The following SORCS2 variants were observed in gnomAD, a reference collection of about 807,000 sequenced individuals.
The protein encoded by SORCS2 is sortilin related VPS10 domain containing receptor 2, also known as VPS10 domain-containing receptor SorCS2.
In SORCS2, 100 loss-of-function variants were observed where a neutral mutation model predicts 141.6. That is an observed-to-expected ratio of 0.71 (90% confidence interval 0.60 to 0.83). The LOEUF (loss-of-function observed/expected upper bound fraction) is 0.83. Among genes scored for constraint, SORCS2 ranks in the 40% least tolerant of loss-of-function variants. The pLI is 0.00. For missense variants in SORCS2, 1,646 were observed against 1,560.2 expected (o/e 1.05, Z -0.93); for synonymous variants, 789 against 676.9 (o/e 1.17, Z -2.57).
At chr4:7,555,414 A>G (rs539528769) in intron 3 of SORCS2, among the ~76,000 whole-genome samples, 26 of 152,342 alleles carry the variant, frequency 1.7e-4, no homozygotes, top group African/African-American at 6.0e-4. Flanking sequence ...CCTGTGCAGG[A>G]GCACAAATGC....
intron 6 of SORCS2, among the ~76,000 whole-genome samples, chr4:7,662,005 T>A (rs956708259): frequency 6.6e-6 from 1 of 151,992 alleles, no homozygotes; most frequent in Non-Finnish European, 1.5e-5. Context: ...CTGTGCAGGA[T>A]CACCTGAGCC....
At chr4:7,359,603 G>A (rs1002695950) in intron 1 of SORCS2, among the ~76,000 whole-genome samples, 2 of 152,164 alleles carry the variant, frequency 1.3e-5, no homozygotes, top group South Asian at 2.1e-4. Flanking sequence ...CCAACGATTC[G>A]CTCCCAAGAT....
At chr4:7,321,095 C>A (rs1159459169) in intron 1 of SORCS2, among the ~76,000 whole-genome samples, 1 of 152,118 alleles carries the variant, frequency 6.6e-6, no homozygotes, top group Non-Finnish European at 1.5e-5. Context: ...AAGCCCGTCA[C>A]TCCTGTCTCC....
At chr4:7,347,703 A>G (rs1057325662) in intron 1 of SORCS2, among the ~76,000 whole-genome samples, 2 of 152,222 alleles carry the variant, frequency 1.3e-5, no homozygotes, top group African/African-American at 4.8e-5. Flanking sequence ...TTCCTCTGAT[A>G]TTAAACCACC....
intron 25 of SORCS2, among the ~76,000 whole-genome samples, chr4:7,734,626 G>A (rs1156662078): frequency 6.6e-6 from 1 of 152,172 alleles, no homozygotes; most frequent in Non-Finnish European, 1.5e-5. Flanking sequence ...ACTCTCCCCA[G>A]GACATCCCAG....
chr4:7,674,118 C>T (rs1258281671), intron 8 of SORCS2, among the ~76,000 whole-genome samples: 1 of 152,054 alleles, frequency 6.6e-6, no homozygotes, highest in Non-Finnish European at 1.5e-5. Context: ...TCCCACTTCA[C>T]ACATGGGGAC....
chr4:7,673,973 G>T (rs1328884909), intron 8 of SORCS2, among the ~76,000 whole-genome samples: 1 of 152,184 alleles, frequency 6.6e-6, no homozygotes. Context: ...ACCAACGCCC[G>T]GATGACAGAG....
intron 1 of SORCS2, among the ~76,000 whole-genome samples, chr4:7,262,394 C>G (rs559937839): frequency 1.5e-5 from 2 of 133,632 alleles, no homozygotes; most frequent in Admixed American, 6.9e-5. Flanking sequence ...ATCCATCCAT[C>G]CATCCATCCA....
chr4:7,364,121 C>A (rs962782952), intron 1 of SORCS2, among the ~76,000 whole-genome samples: 1 of 140,808 alleles, frequency 7.1e-6, no homozygotes, highest in South Asian at 2.4e-4. Context: ...ACCATCACCA[C>A]CACCACCACC....
At position 7,218,950 on chromosome 4, in the gene SORCS2, C is replaced by T. The variant is rs932142316; in HGVS notation, c.480+25824C>T. On this transcript the variant is annotated intron_variant, in intron 1 of 26. Transcript: ENST00000507866. ...ACTCTGCCCTGAAACACAGTGCTCC[C>T]GTGCACTCGGCCATGCTGTGTTCTT... 4.6e-5 allele frequency among the ~76,000 whole-genome samples: 7 copies of T among 152,308 alleles called. No homozygotes were observed. In the East Asian group the frequency reaches 5.8e-4, roughly 13 times the overall value.
intron 1 of SORCS2, among the ~76,000 whole-genome samples, chr4:7,301,521 C>G (rs535893454): frequency 1.4e-4 from 21 of 152,314 alleles, no homozygotes; most frequent in Admixed American, 4.6e-4. Flanking sequence ...CTGGGCTGAC[C>G]CCTGAGTATG....
At chr4:7,314,632 C>G (rs1157034005) in intron 1 of SORCS2, among the ~76,000 whole-genome samples, 1 of 152,108 alleles carries the variant, frequency 6.6e-6, no homozygotes, top group Non-Finnish European at 1.5e-5. Context: ...AGCCACCGCA[C>G]CCGGCCAATC....
intron 1 of SORCS2, among the ~76,000 whole-genome samples, chr4:7,295,646 C>G (rs781113754): frequency 6.6e-6 from 1 of 152,240 alleles, no homozygotes; most frequent in Non-Finnish European, 1.5e-5. Flanking sequence ...GAGGGCAGCC[C>G]TACTGTAGGC....
chr4:7,380,894 C>T (rs1018362148), intron 1 of SORCS2, among the ~76,000 whole-genome samples: 19 of 152,144 alleles, frequency 1.2e-4, no homozygotes, highest in South Asian at 2.1e-4. Context: ...CCAGCCTGGC[C>T]AACACGGTGA....
chr4:7,269,892 A>G (rs1472579365), intron 1 of SORCS2, among the ~76,000 whole-genome samples: 1 of 152,082 alleles, frequency 6.6e-6, no homozygotes, highest in East Asian at 1.9e-4. Context: ...CTTATTTTTT[A>G]TTTTTGAGAT....
At chr4:7,452,144 T>TC (rs1030308150) in intron 2 of SORCS2, among the ~76,000 whole-genome samples, 4 of 151,126 alleles carry the variant, frequency 2.6e-5, no homozygotes, top group African/African-American at 9.7e-5. Flanking sequence ...GGAAGGCTCT[T>TC]CTTTTTTTTT....
intron 1 of SORCS2, among the ~76,000 whole-genome samples, chr4:7,210,205 C>T (rs569172810): frequency 2.6e-5 from 4 of 152,240 alleles, no homozygotes; most frequent in East Asian, 1.9e-4. Flanking sequence ...GAAGGCTGGG[C>T]CCCCGGTCAT....
intron 1 of SORCS2, among the ~76,000 whole-genome samples, chr4:7,281,008 G>A (rs1439784116): frequency 6.6e-6 from 1 of 152,150 alleles, no homozygotes; most frequent in African/African-American, 2.4e-5. Flanking sequence ...GACTTAATTA[G>A]TTGAGTACAG....
intron 1 of SORCS2, among the ~76,000 whole-genome samples, chr4:7,369,899 TC>T (rs2109041462): frequency 6.6e-6 from 1 of 152,118 alleles, no homozygotes; most frequent in African/African-American, 2.4e-5. Flanking sequence ...CTTCTCCAGC[TC>T]CCCCTCCCCA....
Sources: allele counts gnomAD v4.1 joint callset (sites outside exome capture counted in the v4.1 genomes callset), GRCh38; gene constraint gnomAD v4.1.1; transcripts MANE v1.5; gene names NCBI Gene and HGNC (gene_info 2026-07-23, HGNC 2026-07-21).